The following GLP1R variants were observed in gnomAD, a reference collection of about 807,000 sequenced individuals.
GLP1R encodes glucagon like peptide 1 receptor.
Under a neutral mutation model 68.4 loss-of-function variants are expected in GLP1R, and 32 were observed. The observed-to-expected ratio is 0.47, with a 90% CI of 0.35 to 0.63. The LOEUF (loss-of-function observed/expected upper bound fraction) is 0.63. Among genes scored for constraint, GLP1R ranks in the 20% least tolerant of loss-of-function variants. GLP1R has a pLI of 0.00. For synonymous variants in GLP1R, 263 were observed against 244.4 expected, an observed-to-expected ratio of 1.08 and a Z score of -0.71; for missense variants, 502 against 594.9, an observed-to-expected ratio of 0.84 and a Z score of 1.62.
At chr6:39,056,639 C>G (rs1050918264) in intron 2 of GLP1R, 146 bp downstream of exon 2, 9 of 555,036 alleles carry the variant, frequency 1.6e-5, no homozygotes, top group African/African-American at 7.6e-5. Context: ...ATTGTCCAAG[C>G]TACTCCTTCA....
At chr6:39,065,660 C>T (rs765251833) in intron 3 of GLP1R, 51 bp from the exon 4 acceptor site, 14 of 1,183,052 alleles carry the variant, frequency 1.2e-5, no homozygotes, top group East Asian at 7.7e-5. Context: ...TAGCACTGGG[C>T]AGGCTGCCCT....
chr6:39,085,993 T>A lies in GLP1R; in HGVS notation c.1312T>A (p.Cys438Ser). The A allele has an allele frequency of 6.2e-7, 1 of 1,614,004 alleles. No homozygotes were observed. The highest frequency in any genetic ancestry group is 8.5e-7 in the Non-Finnish European group (1 of 1,179,942). Residue 438 changes from cysteine to serine, a missense_variant, in exon 13 of 13, where the codon TGT becomes AGT. Physicochemically the swap from Cys to Ser is moderately radical, Grantham distance 112 (BLOSUM62 -1). Coordinates refer to ENST00000373256, the MANE Select transcript of GLP1R (RefSeq NM_002062.5). Reference protein sequence around the residue: ...QRDSSMKPLKCPTSSLSSGAT... With the variant: ...QRDSSMKPLKSPTSSLSSGAT... ...GGACAGCAGCATGAAGCCCCTCAAG[T>A]GTCCCACCAGCAGCCTGAGCAGTGG... is the stretch of plus-strand genomic sequence containing the variant.
chr6:39,059,612 C>T (rs1047862216), intron 3 of GLP1R, among the ~76,000 whole-genome samples: 2 of 152,178 alleles, frequency 1.3e-5, no homozygotes, highest in African/African-American at 2.4e-5. Context: ...GGTATAGAGC[C>T]AAGTGACATG....
intron 1 of GLP1R, among the ~76,000 whole-genome samples, chr6:39,051,902 G>T (rs13220169): frequency 1.3e-5 from 2 of 149,406 alleles, no homozygotes; most frequent in African/African-American, 5.0e-5. Flanking sequence ...TGTGGGGGGG[G>T]GGGCATCTTG....
chr6:39,067,487 GA>G (rs1472535194), intron 5 of GLP1R, among the ~76,000 whole-genome samples: 1 of 152,200 alleles, frequency 6.6e-6, no homozygotes, highest in Admixed American at 6.5e-5. Flanking sequence ...GCAAATGGGT[GA>G]AAAGCTCTCA....
At chr6:39,078,475 G>C (rs1293365075) in intron 8 of GLP1R, 93 bp downstream of exon 8, 5 of 874,840 alleles carry the variant, frequency 5.7e-6, no homozygotes, top group Non-Finnish European at 9.8e-6. Context: ...CATCTGTTGA[G>C]AGGATAAAGG....
chr6:39,082,390 T>C (rs1046651545), intron 12 of GLP1R, among the ~76,000 whole-genome samples: 3 of 152,178 alleles, frequency 2.0e-5, no homozygotes, highest in Non-Finnish European at 4.4e-5. Flanking sequence ...TAGTGGGCTG[T>C]GGCGGGGGCA....
intron 5 of GLP1R, among the ~76,000 whole-genome samples, chr6:39,071,764 C>T (rs1768673213): frequency 6.6e-6 from 1 of 152,076 alleles, no homozygotes; most frequent in African/African-American, 2.4e-5. Context: ...TTAGGAGTGT[C>T]TGGAATATTC....
intron 5 of GLP1R, among the ~76,000 whole-genome samples, chr6:39,068,764 G>T (rs896209121): frequency 1.3e-5 from 2 of 152,192 alleles, no homozygotes; most frequent in African/African-American, 4.8e-5. Flanking sequence ...CCTGGGCAGT[G>T]ACTTCCAATG....
chr6:39,055,312 G>C (rs900520597), intron 1 of GLP1R, among the ~76,000 whole-genome samples: 3 of 152,212 alleles, frequency 2.0e-5, no homozygotes, highest in African/African-American at 7.2e-5. Flanking sequence ...TTATGTATGG[G>C]TCCTACATTT....
intron 1 of GLP1R, among the ~76,000 whole-genome samples, chr6:39,051,236 T>A (rs568817292): frequency 7.2e-5 from 11 of 152,314 alleles, no homozygotes; most frequent in Non-Finnish European, 1.5e-4. Context: ...ATACATGTCC[T>A]TATCTGTAAA....
intron 1 of GLP1R, among the ~76,000 whole-genome samples, chr6:39,055,439 G>A (rs1355365831): frequency 6.6e-6 from 1 of 152,202 alleles, no homozygotes; most frequent in Non-Finnish European, 1.5e-5. Context: ...AGACATAGCT[G>A]AAGGAAGTGC....
chr6:39,051,070 C>T (rs56765616), intron 1 of GLP1R, among the ~76,000 whole-genome samples: 2,131 of 152,308 alleles, frequency 0.014, 55 homozygotes, highest in African/African-American at 0.045. Flanking sequence ...TTCCCCTACC[C>T]TGGTCCTTAC....
chr6:39,087,807 G>C lies in GLP1R; in HGVS notation c.*1734G>C, dbSNP rs765090660. On this transcript the variant is annotated 3_prime_UTR_variant, in exon 13 of 13. Coordinates refer to ENST00000373256, the MANE Select transcript of GLP1R (RefSeq NM_002062.5). ...GAACCTCGGGCTAAAGAAAGGAATT[G>C]TGTGGATGGCTGCCTTGACTGAGAC... 2.0e-5 allele frequency: 3 copies of C among 152,186 alleles called. No homozygotes were observed. Among genetic ancestry groups the C allele is most frequent in the Non-Finnish European group, 2.9e-5 (2 of 68,026 alleles). 9.4% of individuals were successfully genotyped at this position (152,186 alleles called of 1,614,324 possible).
Position 39,072,889 on chromosome 6 carries a change from C to A in GLP1R, c.537C>A (p.Ile179=), listed in dbSNP as rs2150832076. The A allele has an allele frequency of 6.2e-7, 1 of 1,614,114 alleles. No homozygotes were observed. Among genetic ancestry groups the A allele is most frequent in the Non-Finnish European group, 8.5e-7 (1 of 1,179,948 alleles). ...FRHLHCTRNY[I]HLNLFASFIL... is the part of the protein sequence containing the mutation. Reference sequence around the variant, plus strand: ...ACCTGCACTGCACCAGGAACTACATCCACCTGAACCTGTTTGCATCCTTCA... The same window carrying A: ...ACCTGCACTGCACCAGGAACTACATACACCTGAACCTGTTTGCATCCTTCA... The change falls in exon 6 of 13, where the codon ATC becomes ATA. Residue 179 remains isoleucine, a synonymous_variant. Coordinates refer to ENST00000373256, the MANE Select transcript of GLP1R (RefSeq NM_002062.5).
intron 3 of GLP1R, among the ~76,000 whole-genome samples, chr6:39,060,105 A>G (rs528212965): frequency 5.1e-4 from 78 of 152,248 alleles, no homozygotes; most frequent in African/African-American, 1.8e-3. Flanking sequence ...CAACTACCAC[A>G]GGCTCAAGCT....
chr6:39,080,365 G>A (rs1021994691), intron 11 of GLP1R, among the ~76,000 whole-genome samples: 5 of 152,186 alleles, frequency 3.3e-5, no homozygotes, highest in Non-Finnish European at 5.9e-5. Flanking sequence ...CACTGGATCA[G>A]GCCTCCTCAA....
At chr6:39,084,181 A>C (rs1265482715) in intron 12 of GLP1R, among the ~76,000 whole-genome samples, 2 of 152,220 alleles carry the variant, frequency 1.3e-5, no homozygotes, top group Non-Finnish European at 1.5e-5. Context: ...ACCTGAGGAA[A>C]TAAACACTCT....
rs1768896170 is a variant in GLP1R at position 39,078,487 on chromosome 6, G to T, written c.884+105G>T. On this transcript the variant is annotated intron_variant, in intron 8 of 12. Coordinates refer to ENST00000373256, the MANE Select transcript of GLP1R (RefSeq NM_002062.5). ...ACCCATCTGTTGAGAGGATAAAGGG[G>T]GGTACCAGGAGCTTAGAAGGTGAAT... is the stretch of plus-strand genomic sequence containing the variant. 1.6e-5 allele frequency: 13 copies of T among 821,506 alleles called. 2 individuals are homozygous for T. The highest frequency in any genetic ancestry group is 8.4e-5 in the African/African-American group (5 of 59,828). 50.9% of individuals were successfully genotyped at this position (821,506 alleles called of 1,614,324 possible).
Sources: gnomAD v4.1 joint callset for allele counts (sites outside exome capture counted in the v4.1 genomes callset) on GRCh38, gnomAD v4.1.1 for gene constraint, MANE v1.5 for transcripts, NCBI Gene and HGNC (gene_info 2026-07-23, HGNC 2026-07-21) for gene names.